The following SRP19 variants were observed in gnomAD, a reference collection of about 807,000 sequenced individuals.
SRP19 encodes signal recognition particle 19.
A neutral mutation model predicts 22.4 loss-of-function variants in SRP19; 11 were observed. The ratio of observed to expected loss-of-function variants is 0.49; its 90% CI spans 0.31 to 0.81. The LOEUF is 0.81. Among genes scored for constraint, SRP19 ranks in the 40% least tolerant of loss-of-function variants. The pLI is 0.05. For missense variants in SRP19, 168 were observed against 175.9 expected (o/e 0.96, Z 0.25); for synonymous variants, 61 against 57.6 (o/e 1.06, Z -0.27).
At chr5:112,897,789 TG>T (rs1442970617), downstream of SRP19, 7 of 152,250 alleles carry the variant, frequency 4.6e-5, no homozygotes, top group East Asian at 1.3e-3. Flanking sequence ...CTGGGAGCAG[TG>T]GCTCACACCT....
intron 4 of SRP19, among the ~76,000 whole-genome samples, chr5:112,874,968 G>A (rs750267252): frequency 2.0e-5 from 3 of 152,026 alleles, no homozygotes; most frequent in Non-Finnish European, 4.4e-5. Flanking sequence ...GAGAGACAGG[G>A]TTTCACCATG....
At position 112,875,347 on chromosome 5, in the gene SRP19, GA is replaced by G. The variant is rs1767869703; in HGVS notation, c.301+10617del. Among the ~76,000 whole-genome samples the G allele has an allele frequency of 2.7e-5, 4 of 149,990 alleles. No homozygotes were observed. In the South Asian group the frequency reaches 8.6e-4, roughly 32 times the overall value. Reference sequence around the variant, plus strand: ...CCGTGCGGACCAGCGCATACCTTCAGAAGTACGTTTTGTTTTTGTTTTTGGT... The same window carrying G: ...CCGTGCGGACCAGCGCATACCTTCAGAGTACGTTTTGTTTTTGTTTTTGGT... On this transcript the variant is annotated intron_variant, in intron 4 of 4. Coordinates refer to the SRP19 transcript ENST00000391338.
intron 2 of SRP19, 145 bp from the exon 3 acceptor site, chr5:112,864,312 C>T: frequency 3.0e-6 from 2 of 655,814 alleles, no homozygotes; most frequent in East Asian, 2.7e-5. Flanking sequence ...TTTAAAATTA[C>T]AATAGAAGCA....
At chr5:112,885,787 G>T in intron 4 of SRP19, 1 of 244,312 alleles carries the variant, frequency 4.1e-6, no homozygotes. Context: ...CGTAGTCTGA[G>T]ACAGAGAGCC....
At chr5:112,879,269 C>T (rs1767991230) in intron 4 of SRP19, among the ~76,000 whole-genome samples, 1 of 131,110 alleles carries the variant, frequency 7.6e-6, no homozygotes, top group African/African-American at 3.0e-5. Context: ...GGCGACAAAT[C>T]AGAGAAGTCC....
At chr5:112,863,826 G>A (rs1229019012) in intron 2 of SRP19, among the ~76,000 whole-genome samples, 1 of 151,998 alleles carries the variant, frequency 6.6e-6, no homozygotes, top group African/African-American at 2.4e-5. Flanking sequence ...CACCATGTCC[G>A]GCTACTTTGG....
rs1347676439 is a variant in SRP19 at position 112,868,203 on chromosome 5, A to G, written c.*666A>G. On this transcript the variant is annotated 3_prime_UTR_variant, in exon 5 of 5. Transcript: ENST00000505459. ...GATTTTCATGGGAGTTGTAAAATTA[A>G]CTGTGCTTTAGCACCTTGAGGTACA... 1.0e-6 allele frequency: 1 copy of G among 985,352 alleles called. No individual in the cohort carries two copies. The highest frequency in any genetic ancestry group is 1.2e-6 in the Non-Finnish European group (1 of 829,964). The allele number at this position is 985,352 out of a possible 1,614,324, so 61.0% of individuals were successfully genotyped here.
intron 4 of SRP19, chr5:112,878,910 C>T (rs1767980254): frequency 6.2e-7 from 1 of 1,606,226 alleles, no homozygotes; most frequent in Non-Finnish European, 8.5e-7. Flanking sequence ...AAGCTTTGTG[C>T]CTAATGTAGC....
chr5:112,867,442 A>T lies in SRP19; in HGVS notation c.340A>T (p.Lys114Ter). ...VMLYAAEMIP[K>*]LKTRTQKTGG... ...GTTGTATGCAGCAGAAATGATACCT[A>T]AACTAAAAACAAGGACACAAAAAAC... The change falls in exon 5 of 5, where the codon AAA becomes TAA. Residue 114 changes from lysine to a stop codon, truncating the protein, a stop_gained. Coordinates refer to ENST00000505459, the MANE Select transcript of SRP19 (RefSeq NM_003135.3). LOFTEE classifies it high-confidence loss of function. The T allele has an allele frequency of 6.2e-7, 1 of 1,614,048 alleles. No individual in the cohort carries two copies. The highest frequency in any genetic ancestry group is 8.5e-7 in the Non-Finnish European group (1 of 1,179,962).
chr5:112,893,024 G>T, exon 5 of SRP19: 1 of 1,534,384 alleles, frequency 6.5e-7, no homozygotes, highest in Non-Finnish European at 9.0e-7. Context: ...CGAAGTCGTG[G>T]GAGGAGGAAG....
At chr5:112,887,924 T>C (rs1237827036) in intron 4 of SRP19, among the ~76,000 whole-genome samples, 1 of 152,336 alleles carries the variant, frequency 6.6e-6, no homozygotes, top group East Asian at 1.9e-4. Flanking sequence ...TGCAATTTAC[T>C]CCTTTTTAAG....
In SRP19 at chr5:112,869,552, C is replaced by T. The variant is rs1767709790; in HGVS notation, c.*2015C>T. 6.6e-6 allele frequency: 1 copy of T among 152,232 alleles called. No individual in the cohort carries two copies. The highest frequency in any genetic ancestry group is 2.4e-5 in the African/African-American group (1 of 41,442). 9.4% of individuals were successfully genotyped at this position (152,232 alleles called of 1,614,324 possible). On this transcript the variant is annotated 3_prime_UTR_variant, in exon 5 of 5. Transcript: ENST00000505459. ...CAGATAGTACTGAACCCTATATATA[C>T]TATGTTTTTGCCTATGTATATATAC...
At chr5:112,886,581 T>C (rs1768252367) in intron 4 of SRP19, among the ~76,000 whole-genome samples, 1 of 152,216 alleles carries the variant, frequency 6.6e-6, no homozygotes, top group African/African-American at 2.4e-5. Context: ...TTTGTAAAAT[T>C]ATAGAAATTT....
chr5:112,881,351 G>A (rs577579647), intron 4 of SRP19, among the ~76,000 whole-genome samples: 41 of 152,160 alleles, frequency 2.7e-4, no homozygotes, highest in African/African-American at 8.7e-4. Flanking sequence ...CCCATGGTCA[G>A]GCAACCTCAC....
At chr5:112,884,485 C>T (rs1768170693) in intron 4 of SRP19, among the ~76,000 whole-genome samples, 1 of 151,326 alleles carries the variant, frequency 6.6e-6, no homozygotes, top group African/African-American at 2.4e-5. Context: ...CCAAGTGATC[C>T]TCCTGCCTCA....
intron 4 of SRP19, among the ~76,000 whole-genome samples, chr5:112,879,666 T>C (rs57522421): frequency 1.3e-3 from 198 of 151,928 alleles, no homozygotes; most frequent in African/African-American, 4.1e-3. Flanking sequence ...TTAGTAGAGA[T>C]GGGGTTTCAC....
At chr5:112,866,641 G>GT (rs1269900589) in intron 4 of SRP19, among the ~76,000 whole-genome samples, 1 of 152,126 alleles carries the variant, frequency 6.6e-6, no homozygotes, top group Non-Finnish European at 1.5e-5. Context: ...AAAATAGATT[G>GT]TTTTTTATAT....
downstream of SRP19, chr5:112,895,982 C>T (rs1422597706): frequency 6.6e-6 from 1 of 152,314 alleles, no homozygotes; most frequent in African/African-American, 2.4e-5. Flanking sequence ...TACAACAGGC[C>T]ATTCTATTCC....
rs1767686217 is a variant in SRP19 at position 112,868,664 on chromosome 5, T to G, written c.*1127T>G. On this transcript the variant is annotated 3_prime_UTR_variant, in exon 5 of 5. Transcript: ENST00000505459. Reference sequence around the variant, plus strand: ...ATCTGCCCACCTCAGCCTCCCAAAGTGCTGGGATTACAGGCATGAGCCACC... The same window carrying G: ...ATCTGCCCACCTCAGCCTCCCAAAGGGCTGGGATTACAGGCATGAGCCACC... 6.6e-6 allele frequency: 1 copy of G among 152,424 alleles called. No homozygotes were observed. Among genetic ancestry groups the G allele is most frequent in the Non-Finnish European group, 1.5e-5 (1 of 68,262 alleles). 9.4% of individuals were successfully genotyped at this position (152,424 alleles called of 1,614,324 possible).
Sources: allele counts gnomAD v4.1 joint callset (sites outside exome capture counted in the v4.1 genomes callset), GRCh38; gene constraint gnomAD v4.1.1; transcripts MANE v1.5; gene names NCBI Gene and HGNC (gene_info 2026-07-23, HGNC 2026-07-21).